HMBOX1: variants seen among roughly 807,000 people sequenced by gnomAD.
The protein encoded by HMBOX1 is homeobox-containing protein 1.
Under a neutral mutation model 54.5 loss-of-function variants are expected in HMBOX1, and 14 were observed. That is an observed-to-expected ratio of 0.26 (90% CI 0.17 to 0.40). The LOEUF is 0.40. Among genes scored for constraint, HMBOX1 ranks in the 10% least tolerant of loss-of-function variants. The probability of loss-of-function intolerance (pLI) is 1.00; values close to 1 mark genes in which losing one functional copy is unlikely to be tolerated. For missense variants in HMBOX1, 332 were observed against 514.4 expected, an observed-to-expected ratio of 0.65 and a Z score of 3.43; for synonymous variants, 160 against 181.0, an observed-to-expected ratio of 0.88 and a Z score of 0.93.
intron 1 of HMBOX1, among the ~76,000 whole-genome samples, chr8:28,900,953 A>G (rs1813135262): frequency 6.6e-6 from 1 of 152,122 alleles, no homozygotes; most frequent in South Asian, 2.1e-4. Flanking sequence ...CTTTGGAGCC[A>G]TATTGTCTAG....
intron 1 of HMBOX1, among the ~76,000 whole-genome samples, chr8:28,928,375 A>C (rs935834696): frequency 5.3e-5 from 8 of 152,230 alleles, no homozygotes; most frequent in African/African-American, 1.4e-4. Context: ...ATCAGCTGGT[A>C]TGATTAGACT....
Position 29,009,112 on chromosome 8 carries a change from G to A in HMBOX1, c.627G>A (p.Gln209=), listed in dbSNP as rs1243644322. Residue 209 remains glutamine, a synonymous_variant, in exon 5 of 10, where the codon CAG becomes CAA. Coordinates refer to ENST00000287701, the MANE Select transcript of HMBOX1 (RefSeq NM_001135726.3). The part of the protein sequence containing the change: ...QSRISHWLLQ[Q]GSDLSEQKKR... ...GGATCTCTCATTGGCTGTTGCAGCAGGGATCAGACCTGAGTGAACAGAAGA... is the reference window on the plus strand; with the variant it reads ...GGATCTCTCATTGGCTGTTGCAGCAAGGATCAGACCTGAGTGAACAGAAGA... 1 of 1,613,544 alleles carries A rather than the reference G, an allele frequency of 6.2e-7. No individual in the cohort carries two copies. Among genetic ancestry groups the A allele is most frequent in the African/African-American group, 1.3e-5 (1 of 74,924 alleles).
chr8:29,012,855 T>C (rs577451782), intron 5 of HMBOX1, among the ~76,000 whole-genome samples: 1 of 152,190 alleles, frequency 6.6e-6, no homozygotes, highest in African/African-American at 2.4e-5. Flanking sequence ...GAGAAGCAGG[T>C]AGAAAATAAG....
At chr8:28,945,944 CTT>C (rs58698981) in intron 1 of HMBOX1, among the ~76,000 whole-genome samples, 14 of 129,210 alleles carry the variant, frequency 1.1e-4, no homozygotes, top group African/African-American at 8.5e-5. Flanking sequence ...AGGGCATATT[CTT>C]TTTTTTTTTT....
At chr8:28,898,319 A>C (rs529727964) in intron 1 of HMBOX1, among the ~76,000 whole-genome samples, 49 of 152,294 alleles carry the variant, frequency 3.2e-4, no homozygotes, top group Non-Finnish European at 5.3e-4. Flanking sequence ...AATAAGATTC[A>C]TATTTACAAA....
intron 1 of HMBOX1, among the ~76,000 whole-genome samples, chr8:28,930,076 G>A (rs1293728784): frequency 6.6e-6 from 1 of 151,938 alleles, no homozygotes; most frequent in Non-Finnish European, 1.5e-5. Context: ...GGGTGATGGT[G>A]GGCATAGAAG....
At position 29,009,020 on chromosome 8, in the gene HMBOX1, A is replaced by T. The variant is rs565985760; in HGVS notation, c.587-52A>T. 4 of 1,382,574 alleles carry T rather than the reference A, an allele frequency of 2.9e-6. No homozygotes were observed. The African/African-American group carries it at 5.7e-5, about 20-fold the overall frequency. The allele number at this position is 1,382,574 out of a possible 1,614,324, so 85.6% of individuals were successfully genotyped here. On this transcript the variant is annotated intron_variant, in intron 4 of 9. Transcript: ENST00000287701. Reference sequence around the variant, plus strand: ...ACCTAGAACCAAAAGATCCTTTATTAATTTCACTGTAATTTCAGTGCCCCC... The same window carrying T: ...ACCTAGAACCAAAAGATCCTTTATTTATTTCACTGTAATTTCAGTGCCCCC...
At chr8:29,018,947 A>C in intron 6 of HMBOX1, 34 bp downstream of exon 6, 1 of 1,605,868 alleles carries the variant, frequency 6.2e-7, no homozygotes, top group Non-Finnish European at 8.5e-7. Context: ...ATGATCTCCC[A>C]AACTTAGGGA....
At chr8:29,013,759 G>A (rs1220712755) in intron 5 of HMBOX1, among the ~76,000 whole-genome samples, 1 of 152,212 alleles carries the variant, frequency 6.6e-6, no homozygotes, top group African/African-American at 2.4e-5. Flanking sequence ...AATTCAGGAT[G>A]GTTGACATCA....
chr8:28,934,742 G>C (rs1820088321), intron 1 of HMBOX1, among the ~76,000 whole-genome samples: 1 of 151,994 alleles, frequency 6.6e-6, no homozygotes, highest in Admixed American at 6.5e-5. Flanking sequence ...TGGCTAACAC[G>C]GTGAAACCCC....
intron 1 of HMBOX1, among the ~76,000 whole-genome samples, chr8:28,944,235 G>A (rs1461669615): frequency 1.3e-5 from 2 of 152,176 alleles, no homozygotes; most frequent in African/African-American, 4.8e-5. Flanking sequence ...TACTGCATTT[G>A]TGTTCATTTA....
At chr8:28,900,879 A>G (rs1416598295) in intron 1 of HMBOX1, among the ~76,000 whole-genome samples, 1 of 151,934 alleles carries the variant, frequency 6.6e-6, no homozygotes, top group African/African-American at 2.4e-5. Context: ...TCACCTTTTA[A>G]GGTCTGTCAT....
Position 29,051,105 on chromosome 8 carries a change from G to C in HMBOX1, c.1213G>C (p.Ala405Pro). ...AGTCAACCACACTATCTTGGCATTG[G>C]CCCGACAAGGAGCCAACGAAATCAA... The part of the protein sequence containing the change: ...AAVNHTILAL[A>P]RQGANEIKTE... The change falls in exon 10 of 10, where the codon GCC becomes CCC. Residue 405 changes from alanine (A) to proline (P), a missense_variant. Transcript: ENST00000287701. The C allele has an allele frequency of 1.9e-6, 3 of 1,613,612 alleles. No homozygotes were observed. The highest frequency in any genetic ancestry group is 2.5e-6 in the Non-Finnish European group (3 of 1,179,972).
intron 1 of HMBOX1, among the ~76,000 whole-genome samples, chr8:28,937,217 GT>G (rs1247268791): frequency 6.6e-6 from 1 of 152,138 alleles, no homozygotes; most frequent in Non-Finnish European, 1.5e-5. Context: ...AATCTTTTGG[GT>G]TGTAGTAATA....
At chr8:28,921,028 A>C (rs1412450107) in intron 1 of HMBOX1, among the ~76,000 whole-genome samples, 1 of 152,212 alleles carries the variant, frequency 6.6e-6, no homozygotes, top group Non-Finnish European at 1.5e-5. Flanking sequence ...ACATTTCATA[A>C]GCATTTAAAA....
chr8:29,045,466 G>A, intron 7 of HMBOX1, 23 bp downstream of exon 7: 16 of 1,585,080 alleles, frequency 1.0e-5, no homozygotes, highest in Non-Finnish European at 1.1e-5. Flanking sequence ...GCACAGCCTT[G>A]CTCTGCGGTG....
rs370738055 is a variant in HMBOX1, at chr8:28,990,274, A to G, written c.586+10118A>G. Among the ~76,000 whole-genome samples the G allele has an allele frequency of 9.2e-5, 14 of 152,308 alleles. No homozygotes were observed. In the East Asian group the frequency reaches 2.7e-3, roughly 29 times the overall value. On this transcript the variant is annotated intron_variant, in intron 4 of 9. Transcript: ENST00000287701. ...CCTTGTTCCCAGTCTTAGGGAGGAAACATTCAGTTTTTCATCATTAAGTAT... is the reference window on the plus strand; with the variant it reads ...CCTTGTTCCCAGTCTTAGGGAGGAAGCATTCAGTTTTTCATCATTAAGTAT...
intron 1 of HMBOX1, among the ~76,000 whole-genome samples, chr8:28,952,045 A>G (rs1312992267): frequency 6.6e-6 from 1 of 151,704 alleles, no homozygotes; most frequent in African/African-American, 2.4e-5. Flanking sequence ...GCATTATGGC[A>G]TGTGCCTGTA....
At chr8:28,983,679 G>A (rs1829751388) in intron 4 of HMBOX1, among the ~76,000 whole-genome samples, 1 of 152,158 alleles carries the variant, frequency 6.6e-6, no homozygotes, top group African/African-American at 2.4e-5. Flanking sequence ...AGTGTAAGAG[G>A]AGAACAGGTG....
Sources: gnomAD v4.1 joint callset for allele counts (sites outside exome capture counted in the v4.1 genomes callset) on GRCh38, gnomAD v4.1.1 for gene constraint, MANE v1.5 for transcripts, NCBI Gene and HGNC (gene_info 2026-07-23, HGNC 2026-07-21) for gene names.